PHC3: variants seen among roughly 807,000 people sequenced by gnomAD.
PHC3 encodes the protein polyhomeotic-like protein 3.
Under a neutral mutation model 107.4 loss-of-function variants are expected in PHC3, and 13 were observed. The ratio of observed to expected loss-of-function variants is 0.12; its 90% CI spans 0.08 to 0.19. The LOEUF (loss-of-function observed/expected upper bound fraction) is 0.19. PHC3 is among the 10% of genes least tolerant of loss of function. PHC3 has a pLI of 1.00. For synonymous variants in PHC3, 456 were observed against 427.4 expected (o/e 1.07, Z -0.83); for missense variants, 992 against 1,210.9 (o/e 0.82, Z 2.68).
intron 9 of PHC3, among the ~76,000 whole-genome samples, chr3:170,120,220 A>G (rs1719961145): frequency 6.6e-6 from 1 of 152,174 alleles, no homozygotes; most frequent in Admixed American, 6.5e-5. Flanking sequence ...ACATAAATCC[A>G]TTTCAGTGTA....
chr3:170,129,875 T>A (rs1721967593), intron 7 of PHC3, among the ~76,000 whole-genome samples: 1 of 152,128 alleles, frequency 6.6e-6, no homozygotes, highest in African/African-American at 2.4e-5. Flanking sequence ...AACTTCTGTA[T>A]TTTTAGTAGA....
At chr3:170,155,619 G>A (rs539290723) in intron 4 of PHC3, among the ~76,000 whole-genome samples, 3 of 151,944 alleles carry the variant, frequency 2.0e-5, no homozygotes, top group South Asian at 2.1e-4. Flanking sequence ...CTACTCAGGC[G>A]GCTGAGCTGG....
At chr3:170,180,213 CA>C (rs1179745206) in intron 1 of PHC3, among the ~76,000 whole-genome samples, 1 of 151,016 alleles carries the variant, frequency 6.6e-6, no homozygotes, top group Non-Finnish European at 1.5e-5. Flanking sequence ...TCCTACCACT[CA>C]GGGGGAGGAC....
chr3:170,180,997 C>T (rs934941036), intron 1 of PHC3, among the ~76,000 whole-genome samples: 1 of 152,232 alleles, frequency 6.6e-6, no homozygotes. Flanking sequence ...AAGAGGCCTA[C>T]CCAGGAAACA....
At chr3:170,148,953 C>A in intron 5 of PHC3, 133 bp downstream of exon 5, 2 of 802,694 alleles carry the variant, frequency 2.5e-6, no homozygotes, top group Non-Finnish European at 3.8e-6. Context: ...GAGCTGAAGG[C>A]ACGCCCGCAT....
chr3:170,178,495 C>T (rs1223355092), intron 2 of PHC3, among the ~76,000 whole-genome samples: 1 of 152,164 alleles, frequency 6.6e-6, no homozygotes, highest in African/African-American at 2.4e-5. Context: ...TAGTCTTCCA[C>T]CACGGAATGA....
At position 170,134,337 on chromosome 3, in the gene PHC3, C is replaced by T. The variant is rs1021869592; in HGVS notation, c.919+2082G>A. On this transcript the variant is annotated intron_variant, in intron 7 of 14. Transcript: ENST00000495893. ...CCCATGTAGCTGGGACTACAGGTGC[C>T]GGCCACTACGCACGGCTAATTTTTG... Among the ~76,000 whole-genome samples, 70 of 151,704 alleles carry T rather than the reference C, an allele frequency of 4.6e-4. 3 individuals carry two copies. The highest frequency in any genetic ancestry group is 4.5e-3 in the Admixed American group (68 of 15,198).
chr3:170,153,368 G>C (rs1307233833), intron 4 of PHC3, among the ~76,000 whole-genome samples: 1 of 152,090 alleles, frequency 6.6e-6, no homozygotes, highest in Non-Finnish European at 1.5e-5. Context: ...TTTCTGGCTT[G>C]ATTACTTTAA....
At chr3:170,127,299 T>C (rs540539436) in intron 8 of PHC3, among the ~76,000 whole-genome samples, 1 of 152,348 alleles carries the variant, frequency 6.6e-6, no homozygotes, top group East Asian at 1.9e-4. Flanking sequence ...CCCGAGTAGC[T>C]GGGATTACAG....
chr3:170,170,753 T>C (rs1387375710), intron 4 of PHC3: 1 of 152,012 alleles, frequency 6.6e-6, no homozygotes, highest in African/African-American at 2.4e-5. Context: ...AATTTTTTTA[T>C]TATTATTGCA....
At chr3:170,171,472 A>T (rs1729582633) in intron 3 of PHC3, 22 bp from the exon 4 acceptor site, 1 of 1,520,994 alleles carries the variant, frequency 6.6e-7, no homozygotes, top group Non-Finnish European at 8.9e-7. Flanking sequence ...AGACTTTTAG[A>T]ATATGTCGGT....
chr3:170,103,075 T>A, intron 12 of PHC3, 141 bp from the exon 13 acceptor site: 1 of 867,078 alleles, frequency 1.2e-6, no homozygotes, highest in Non-Finnish European at 1.8e-6. Flanking sequence ...ATAAAGTAAC[T>A]ACACTGTTCA....
chr3:170,118,576 T>A (rs1719512822), intron 9 of PHC3, among the ~76,000 whole-genome samples: 1 of 152,206 alleles, frequency 6.6e-6, no homozygotes, highest in East Asian at 1.9e-4. Context: ...CATGCCTGGA[T>A]AATTTTTTGT....
At chr3:170,107,923 G>T (rs1368616889) in intron 11 of PHC3, among the ~76,000 whole-genome samples, 2 of 152,056 alleles carry the variant, frequency 1.3e-5, no homozygotes, top group Non-Finnish European at 2.9e-5. Flanking sequence ...TCTGTAAAAT[G>T]GGGTTTATAA....
chr3:170,161,636 G>A (rs148310818), intron 4 of PHC3, among the ~76,000 whole-genome samples: 1,854 of 152,290 alleles, frequency 0.012, 39 homozygotes, highest in African/African-American at 0.042. Flanking sequence ...GTTCCTAACA[G>A]GCCACAAAGC....
intron 6 of PHC3, among the ~76,000 whole-genome samples, chr3:170,145,117 A>G (rs913385828): frequency 6.6e-6 from 1 of 152,280 alleles, no homozygotes; most frequent in Non-Finnish European, 1.5e-5. Flanking sequence ...GCAAAAGAAT[A>G]TATCTCACAT....
At chr3:170,159,648 T>C (rs1727537846) in intron 4 of PHC3, among the ~76,000 whole-genome samples, 1 of 152,170 alleles carries the variant, frequency 6.6e-6, no homozygotes, top group African/African-American at 2.4e-5. Context: ...ACATACATGA[T>C]CATTAAAAAC....
rs1040347050 is a variant in PHC3 at position 170,092,501 on chromosome 3, G to C, written c.*4729C>G. 1 of 152,186 alleles carries C rather than the reference G, an allele frequency of 6.6e-6. No individual in the cohort carries two copies. Among genetic ancestry groups the C allele is most frequent in the African/African-American group, 2.4e-5 (1 of 41,446 alleles). The allele number at this position is 152,186 out of a possible 1,614,324, so 9.4% of individuals were successfully genotyped here. Reference sequence around the variant, plus strand: ...AGTTCATTTCATGATCCACACTGCTGTGAACCAAAGAAGCAGAGGTAGGCT... The same window carrying C: ...AGTTCATTTCATGATCCACACTGCTCTGAACCAAAGAAGCAGAGGTAGGCT... On this transcript the variant is annotated 3_prime_UTR_variant, in exon 15 of 15. Transcript: ENST00000495893.
chr3:170,112,819 T>C (rs997273286), intron 11 of PHC3, among the ~76,000 whole-genome samples: 2 of 152,184 alleles, frequency 1.3e-5, no homozygotes, highest in African/African-American at 2.4e-5. Context: ...CCATCGTGCC[T>C]GGCCTTATTT....
Sources: gnomAD v4.1 joint callset for allele counts (sites outside exome capture counted in the v4.1 genomes callset) on GRCh38, gnomAD v4.1.1 for gene constraint, MANE v1.5 for transcripts, NCBI Gene and HGNC (gene_info 2026-07-23, HGNC 2026-07-21) for gene names.